AQP11: variants seen among roughly 807,000 people sequenced by gnomAD.
AQP11 encodes the protein aquaporin-11.
Under a neutral mutation model 21.1 loss-of-function variants are expected in AQP11, and 20 were observed. That is an observed-to-expected ratio of 0.95 (90% CI 0.67 to 1.38). The LOEUF (loss-of-function observed/expected upper bound fraction) is 1.38, where lower values mean the gene tolerates loss of function less well. Ranked by LOEUF, AQP11 falls within the 40% of genes most tolerant of loss-of-function variation. The pLI is 0.00. For missense variants in AQP11, 339 were observed against 340.4 expected (o/e 1.00, Z 0.03); for synonymous variants, 167 against 150.1 (o/e 1.11, Z -0.82).
chr11:77,598,677 T>C (rs987130238), intron 1 of AQP11, among the ~76,000 whole-genome samples: 1 of 152,162 alleles, frequency 6.6e-6, no homozygotes, highest in Non-Finnish European at 1.5e-5. Flanking sequence ...TCTCTGATGT[T>C]TGTGTTACAA....
intron 1 of AQP11, among the ~76,000 whole-genome samples, chr11:77,596,535 T>TAA (rs1475672022): frequency 2.9e-5 from 3 of 102,292 alleles, no homozygotes; most frequent in Non-Finnish European, 5.9e-5. Flanking sequence ...AATATATATG[T>TAA]AAATATATAT....
chr11:77,601,827 C>T (rs60132034), intron 1 of AQP11, among the ~76,000 whole-genome samples: 19,689 of 152,136 alleles, frequency 0.13, 1,464 homozygotes, highest in Admixed American at 0.19. Context: ...AGTTCTCTTC[C>T]GTGTGGCCTT....
chr11:77,596,560 A>ATATATATATATATATATATATG (rs1554976434), intron 1 of AQP11, among the ~76,000 whole-genome samples: 2 of 133,116 alleles, frequency 1.5e-5, no homozygotes, highest in African/African-American at 2.9e-5. Context: ...ATATATATAT[A>ATATATATATATATATATATATG]TATGTATGTA....
chr11:77,597,785 G>A lies in AQP11; in HGVS notation c.620-5771G>A, dbSNP rs543085514. Among the ~76,000 whole-genome samples, 10 of 151,770 alleles carry A rather than the reference G, an allele frequency of 6.6e-5. 1 individual carries two copies. The East Asian group carries it at 1.6e-3, about 24-fold the overall frequency. ...CTTTTTTCTTTTGAGATGGCGTCTC[G>A]CTCTGTCACCCAGGCTGGAGTGCAG... On this transcript the variant is annotated intron_variant, in intron 1 of 2. Coordinates refer to ENST00000313578, the MANE Select transcript of AQP11 (RefSeq NM_173039.3).
chr11:77,594,954 A>C (rs1292206812), intron 1 of AQP11, among the ~76,000 whole-genome samples: 1 of 152,202 alleles, frequency 6.6e-6, no homozygotes, highest in Non-Finnish European at 1.5e-5. Context: ...TCAGATTTCA[A>C]GCAAATCTTC....
chr11:77,603,423 G>T (rs1223149441), intron 1 of AQP11, 133 bp from the exon 2 acceptor site: 3 of 617,840 alleles, frequency 4.9e-6, no homozygotes, highest in African/African-American at 3.7e-5. Context: ...AAATATGCCA[G>T]GTGATTCTGC....
At chr11:77,594,213 G>A (rs1239983343) in intron 1 of AQP11, among the ~76,000 whole-genome samples, 1 of 152,024 alleles carries the variant, frequency 6.6e-6, no homozygotes, top group African/African-American at 2.4e-5. Context: ...ATACTTTATG[G>A]TATATATATA....
chr11:77,599,877 AACCC>A (rs1278951564), intron 1 of AQP11, among the ~76,000 whole-genome samples: 4 of 151,630 alleles, frequency 2.6e-5, no homozygotes, highest in African/African-American at 9.7e-5. Context: ...TGAGCCATCA[AACCC>A]AGGCCCAAAC....
chr11:77,609,473 C>G lies in AQP11; in HGVS notation c.*96C>G, dbSNP rs1157577940. 1 of 973,966 alleles carries G rather than the reference C, an allele frequency of 1.0e-6. No individual in the cohort carries two copies. The highest frequency in any genetic ancestry group is 2.6e-5 in the Admixed American group (1 of 38,210). 60.3% of individuals were successfully genotyped at this position (973,966 alleles called of 1,614,324 possible). On this transcript the variant is annotated 3_prime_UTR_variant, in exon 3 of 3. Transcript: ENST00000313578. The stretch of plus-strand genomic sequence containing the variant: ...TGGAAAACACCGGCTGCACTGGATT[C>G]ATCAGTGTTAACTTCCTTTGAGGAA...
At chr11:77,603,215 T>C (rs914690565) in intron 1 of AQP11, among the ~76,000 whole-genome samples, 10 of 152,244 alleles carry the variant, frequency 6.6e-5, no homozygotes, top group African/African-American at 2.2e-4. Flanking sequence ...TTTACTTTTA[T>C]TATTATTCAT....
chr11:77,597,352 GC>G (rs1442461760), intron 1 of AQP11, among the ~76,000 whole-genome samples: 1 of 152,160 alleles, frequency 6.6e-6, no homozygotes, highest in Non-Finnish European at 1.5e-5. Context: ...TGGGCGGATC[GC>G]TTGAGGCCAG....
At chr11:77,603,035 C>T (rs534949092) in intron 1 of AQP11, among the ~76,000 whole-genome samples, 1 of 152,284 alleles carries the variant, frequency 6.6e-6, no homozygotes, top group South Asian at 2.1e-4. Flanking sequence ...ATAATTTGTG[C>T]TTATCTCTCA....
intron 1 of AQP11, among the ~76,000 whole-genome samples, chr11:77,599,447 C>T (rs1832206194): frequency 6.7e-6 from 1 of 149,330 alleles, no homozygotes. Flanking sequence ...AGGCCCCACA[C>T]CTGGCTACTT....
intron 2 of AQP11, among the ~76,000 whole-genome samples, chr11:77,606,022 G>A (rs867638531): frequency 3.5e-4 from 44 of 125,636 alleles, no homozygotes; most frequent in African/African-American, 1.2e-3. Context: ...TAGCCTGGGC[G>A]ACAGAGCGAG....
At chr11:77,604,791 A>G (rs900706710) in intron 2 of AQP11, among the ~76,000 whole-genome samples, 1 of 152,222 alleles carries the variant, frequency 6.6e-6, no homozygotes, top group East Asian at 1.9e-4. Context: ...CTATAGGCCT[A>G]AACATGAAGA....
intron 1 of AQP11, among the ~76,000 whole-genome samples, chr11:77,596,463 T>TGTGTAA (rs1958780646): frequency 2.8e-5 from 4 of 142,178 alleles, no homozygotes; most frequent in Non-Finnish European, 6.1e-5. Flanking sequence ...AAAATATATA[T>TGTGTAA]ATATATGTAA....
chr11:77,597,824 G>A (rs1364368899), intron 1 of AQP11, among the ~76,000 whole-genome samples: 1 of 151,606 alleles, frequency 6.6e-6, no homozygotes, highest in Non-Finnish European at 1.5e-5. Flanking sequence ...CGCGATCTCG[G>A]CTCACTGCAA....
intron 1 of AQP11, among the ~76,000 whole-genome samples, chr11:77,592,053 C>T (rs1406672993): frequency 6.6e-6 from 1 of 152,134 alleles, no homozygotes; most frequent in Non-Finnish European, 1.5e-5. Flanking sequence ...ATCGCTTGAG[C>T]CCAGGCGTTC....
At chr11:77,601,339 CA>C (rs1281359875) in intron 1 of AQP11, among the ~76,000 whole-genome samples, 1 of 141,330 alleles carries the variant, frequency 7.1e-6, no homozygotes, top group Admixed American at 7.4e-5. Context: ...ACACACCATT[CA>C]AAACTTTTTT....
Sources: gnomAD v4.1 joint callset for allele counts (sites outside exome capture counted in the v4.1 genomes callset) on GRCh38, gnomAD v4.1.1 for gene constraint, MANE v1.5 for transcripts, NCBI Gene and HGNC (gene_info 2026-07-23, HGNC 2026-07-21) for gene names.